The following BCR variants were observed in gnomAD, a reference collection of about 807,000 sequenced individuals.
The protein encoded by BCR is BCR activator of RhoGEF and GTPase.
A neutral mutation model predicts 138.6 loss-of-function variants in BCR; 58 were observed. That is an observed-to-expected ratio of 0.42 (90% CI 0.34 to 0.52). The LOEUF (loss-of-function observed/expected upper bound fraction) is 0.52. Ranked by LOEUF, BCR falls within the 20% of genes least tolerant of loss-of-function variation. The probability of loss-of-function intolerance (pLI) is 0.06; values close to 1 mark genes in which losing one functional copy is unlikely to be tolerated. For missense variants in BCR, 1,599 were observed against 1,727.2 expected, an observed-to-expected ratio of 0.93 and a Z score of 1.32; for synonymous variants, 786 against 730.1, an observed-to-expected ratio of 1.08 and a Z score of -1.23.
intron 1 of BCR, among the ~76,000 whole-genome samples, chr22:23,194,410 T>C (rs1470297046): frequency 6.6e-6 from 1 of 151,528 alleles, no homozygotes; most frequent in Non-Finnish European, 1.5e-5. Flanking sequence ...TTCTTTTTTT[T>C]TTTCTTTCTT....
At chr22:23,257,606 C>T (rs890272267) in intron 2 of BCR, among the ~76,000 whole-genome samples, 30 of 152,352 alleles carry the variant, frequency 2.0e-4, no homozygotes, top group African/African-American at 6.7e-4. Flanking sequence ...GAGCAGGGAG[C>T]GGCATCTGCA....
intron 1 of BCR, among the ~76,000 whole-genome samples, chr22:23,183,356 G>T (rs887683333): frequency 1.3e-5 from 2 of 151,602 alleles, no homozygotes; most frequent in African/African-American, 4.8e-5. Context: ...AATGTGCTTG[G>T]TTTGTCAAAA....
intron 1 of BCR, among the ~76,000 whole-genome samples, chr22:23,214,283 G>A (rs995289828): frequency 2.0e-5 from 3 of 151,866 alleles, no homozygotes; most frequent in Admixed American, 2.0e-4. Context: ...GGCCCGGAGT[G>A]TTCATTTCTC....
At chr22:23,263,261 C>T in intron 4 of BCR, 1 of 1,085,690 alleles carries the variant, frequency 9.2e-7, no homozygotes, top group Non-Finnish European at 1.4e-6. Context: ...CCTACCTCGA[C>T]ATGCGGGCCC....
chr22:23,249,527 C>T (rs1312582270), intron 1 of BCR, among the ~76,000 whole-genome samples: 3 of 152,034 alleles, frequency 2.0e-5, no homozygotes, highest in Non-Finnish European at 4.4e-5. Flanking sequence ...TTCACAGCTG[C>T]AGTGAGCTGT....
At chr22:23,210,422 G>GAAA (rs1050301471) in intron 1 of BCR, among the ~76,000 whole-genome samples, 27 of 101,850 alleles carry the variant, frequency 2.7e-4, no homozygotes, top group African/African-American at 8.3e-4. Context: ...GTCTCAAAAA[G>GAAA]AAAAAAAAAA....
intron 16 of BCR, among the ~76,000 whole-genome samples, chr22:23,297,204 G>GTTT (rs1568979500): frequency 1.6e-5 from 2 of 124,150 alleles, no homozygotes; most frequent in African/African-American, 3.5e-5. Flanking sequence ...GCCTGGCTAA[G>GTTT]TTGTTTTTTG....
chr22:23,292,980 T>G (rs1199091407), intron 15 of BCR, among the ~76,000 whole-genome samples: 1 of 152,122 alleles, frequency 6.6e-6, no homozygotes, highest in Non-Finnish European at 1.5e-5. Context: ...TGGAATGAGC[T>G]CCCGTGACCC....
chr22:23,219,418 C>T (rs145918361), intron 1 of BCR, among the ~76,000 whole-genome samples: 7 of 152,352 alleles, frequency 4.6e-5, no homozygotes, highest in African/African-American at 1.2e-4. Flanking sequence ...TGGAACCCAG[C>T]GGGGCAGTCT....
intron 1 of BCR, among the ~76,000 whole-genome samples, chr22:23,249,284 T>A (rs2073193867): frequency 6.6e-6 from 1 of 151,532 alleles, no homozygotes; most frequent in African/African-American, 2.4e-5. Flanking sequence ...AAAAAAAAAT[T>A]AGCCAGGCGT....
At chr22:23,289,719 C>T (rs2073762552) in intron 13 of BCR, 98 bp downstream of exon 13, 3 of 1,018,684 alleles carry the variant, frequency 2.9e-6, no homozygotes, top group Non-Finnish European at 4.5e-6. Context: ...TTTGATGGGA[C>T]TAGTGGACTT....
intron 10 of BCR, among the ~76,000 whole-genome samples, chr22:23,286,936 A>T (rs1361434943): frequency 2.6e-5 from 4 of 152,234 alleles, no homozygotes; most frequent in African/African-American, 9.6e-5. Flanking sequence ...TTTACTGAGC[A>T]TGTCCTGCAG....
chr22:23,241,777 GC>G (rs1477822106), intron 1 of BCR, among the ~76,000 whole-genome samples: 2 of 152,014 alleles, frequency 1.3e-5, no homozygotes, highest in Admixed American at 1.3e-4. Context: ...CCCCAGCCCT[GC>G]CCCACCTCCA....
intron 1 of BCR, among the ~76,000 whole-genome samples, chr22:23,229,502 T>C (rs919407822): frequency 6.6e-6 from 1 of 152,036 alleles, no homozygotes; most frequent in South Asian, 2.1e-4. Context: ...TTTTTTTTTT[T>C]AAACAGGCAG....
At chr22:23,259,385 G>T (rs56027011) in intron 2 of BCR, among the ~76,000 whole-genome samples, 3,464 of 152,252 alleles carry the variant, frequency 0.023, 63 homozygotes, top group Non-Finnish European at 0.027. Context: ...CCCCAGTCCT[G>T]GTGGGGTAAC....
intron 1 of BCR, among the ~76,000 whole-genome samples, chr22:23,190,677 G>A (rs898110554): frequency 3.3e-5 from 5 of 152,188 alleles, no homozygotes; most frequent in Non-Finnish European, 5.9e-5. Context: ...GCAGAGGAAA[G>A]GGCTGCCAGG....
At chr22:23,264,834 C>A in intron 4 of BCR, 1 of 152,984 alleles carries the variant, frequency 6.5e-6, no homozygotes, top group Non-Finnish European at 1.5e-5. Flanking sequence ...AGGTTCATTC[C>A]TGGGGCACTG....
At chr22:23,217,188 G>A in intron 1 of BCR, 1 of 257,442 alleles carries the variant, frequency 3.9e-6, no homozygotes, top group Non-Finnish European at 8.2e-6. Flanking sequence ...GGTTGTGGAT[G>A]ACTTTTTTAG....
In BCR at chr22:23,292,252, G is replaced by T. The variant is rs114370005; in HGVS notation, c.2783-289G>T. Among the ~76,000 whole-genome samples the T allele has an allele frequency of 3.3e-3, 502 of 152,274 alleles. 4 individuals carry two copies. The highest frequency in any genetic ancestry group is 0.011 in the African/African-American group (471 of 41,550). ...CCACCAGTGCAGGGCCCTTCTCATC[G>T]TAGGGGCTTTAGCTGGGGTTTGTGG... On this transcript the variant is annotated intron_variant, in intron 14 of 22. Transcript: ENST00000305877.
Sources: allele counts gnomAD v4.1 joint callset (sites outside exome capture counted in the v4.1 genomes callset), GRCh38; gene constraint gnomAD v4.1.1; transcripts MANE v1.5; gene names NCBI Gene and HGNC (gene_info 2026-07-23, HGNC 2026-07-21).